MYRIP: variants seen among roughly 807,000 people sequenced by gnomAD.
MYRIP encodes myosin VIIA and Rab interacting protein.
Under a neutral mutation model 98.0 loss-of-function variants are expected in MYRIP, and 49 were observed. The observed-to-expected ratio is 0.50, with a 90% CI of 0.40 to 0.63. MYRIP has a LOEUF of 0.63. Among genes scored for constraint, MYRIP ranks in the 30% least tolerant of loss-of-function variants. The pLI, the probability that MYRIP is intolerant of heterozygous loss-of-function variation, is 0.00. For synonymous variants in MYRIP, 404 were observed against 409.5 expected, an observed-to-expected ratio of 0.99 and a Z score of 0.16; for missense variants, 1,004 against 1,058.2, an observed-to-expected ratio of 0.95 and a Z score of 0.71.
intron 2 of MYRIP, among the ~76,000 whole-genome samples, chr3:39,919,723 T>TGAGAGAGAGAGA (rs1461895990): frequency 6.8e-6 from 1 of 146,710 alleles, no homozygotes; most frequent in African/African-American, 2.6e-5. Flanking sequence ...TGTGTGTGTG[T>TGAGAGAGAGAGA]GTGTGAGAGA....
intron 2 of MYRIP, among the ~76,000 whole-genome samples, chr3:39,981,403 A>G (rs757071691): frequency 1.3e-5 from 2 of 152,128 alleles, no homozygotes; most frequent in African/African-American, 2.4e-5. Context: ...TTAAAATACT[A>G]GTACTTCTTT....
chr3:39,978,967 C>T (rs943182686), intron 2 of MYRIP, among the ~76,000 whole-genome samples: 6 of 151,852 alleles, frequency 4.0e-5, no homozygotes, highest in Non-Finnish European at 5.9e-5. Flanking sequence ...AATGATATAA[C>T]GTAAGAGGAA....
At chr3:39,947,545 A>G (rs1358523721) in intron 2 of MYRIP, among the ~76,000 whole-genome samples, 4 of 152,162 alleles carry the variant, frequency 2.6e-5, no homozygotes, top group Non-Finnish European at 5.9e-5. Flanking sequence ...AGCTAGTCTA[A>G]ATTCTTGGTA....
At chr3:39,967,857 T>C (rs1467063531) in intron 2 of MYRIP, among the ~76,000 whole-genome samples, 4 of 152,230 alleles carry the variant, frequency 2.6e-5, no homozygotes, top group African/African-American at 4.8e-5. Context: ...TTTTATCATA[T>C]GCTTGTTGGC....
intron 3 of MYRIP, among the ~76,000 whole-genome samples, chr3:40,086,837 T>G (rs1273646832): frequency 6.6e-6 from 1 of 151,924 alleles, no homozygotes; most frequent in Non-Finnish European, 1.5e-5. Flanking sequence ...AGAAGAGGTT[T>G]TGACAGCCAT....
At chr3:40,075,806 AT>A (rs1456938444) in intron 3 of MYRIP, among the ~76,000 whole-genome samples, 2 of 152,100 alleles carry the variant, frequency 1.3e-5, no homozygotes, top group African/African-American at 4.8e-5. Context: ...AAATACTTAA[AT>A]GTGGAGGGGA....
At chr3:39,996,750 A>G (rs1312098092) in intron 2 of MYRIP, among the ~76,000 whole-genome samples, 1 of 152,118 alleles carries the variant, frequency 6.6e-6, no homozygotes, top group Non-Finnish European at 1.5e-5. Context: ...GCACCACACC[A>G]CACCTATTCC....
intron 1 of MYRIP, among the ~76,000 whole-genome samples, chr3:39,854,231 CA>C (rs1223635874): frequency 6.6e-6 from 1 of 152,100 alleles, no homozygotes; most frequent in Non-Finnish European, 1.5e-5. Flanking sequence ...GTTGTTCCCT[CA>C]AAAAGTTTTC....
chr3:39,955,974 C>G (rs1054260611), intron 2 of MYRIP, among the ~76,000 whole-genome samples: 1 of 152,262 alleles, frequency 6.6e-6, no homozygotes, highest in Non-Finnish European at 1.5e-5. Context: ...ACAAGAAGAG[C>G]TAACTATCCT....
chr3:40,012,225 C>A (rs1028677113), intron 2 of MYRIP, among the ~76,000 whole-genome samples: 9 of 152,088 alleles, frequency 5.9e-5, no homozygotes, highest in Admixed American at 2.0e-4. Flanking sequence ...GGGCAGCTTT[C>A]TTCTGAATCC....
rs9852872 is a variant in MYRIP, at chr3:40,160,368, C to G, written c.470-2362C>G. Among the ~76,000 whole-genome samples the G allele has an allele frequency of 8.6e-3, 1,314 of 152,264 alleles. 22 individuals are homozygous for G. Among genetic ancestry groups the G allele is most frequent in the African/African-American group, 0.03 (1,262 of 41,540 alleles). On this transcript the variant is annotated intron_variant, in intron 4 of 16. Coordinates refer to ENST00000302541, the MANE Select transcript of MYRIP (RefSeq NM_015460.4). Reference sequence around the variant, plus strand: ...CTGCCTGTTCTCAGATCTCCAGCTGCGTGCTGGGAGAACCACTGCTGTCTT... The same window carrying G: ...CTGCCTGTTCTCAGATCTCCAGCTGGGTGCTGGGAGAACCACTGCTGTCTT...
intron 2 of MYRIP, among the ~76,000 whole-genome samples, chr3:39,919,154 G>C (rs184710199): frequency 1.5e-4 from 23 of 152,304 alleles, no homozygotes; most frequent in Admixed American, 1.5e-3. Context: ...AATGTACCTG[G>C]AGTAGGGGCT....
chr3:39,970,921 C>T (rs757578994), intron 2 of MYRIP, among the ~76,000 whole-genome samples: 6 of 152,024 alleles, frequency 3.9e-5, no homozygotes, highest in Non-Finnish European at 7.4e-5. Flanking sequence ...ACAGCAACAA[C>T]AACAAAAAAG....
At chr3:39,914,505 CA>C (rs143297666) in intron 2 of MYRIP, among the ~76,000 whole-genome samples, 2 of 151,836 alleles carry the variant, frequency 1.3e-5, no homozygotes, top group African/African-American at 4.8e-5. Flanking sequence ...ATAATATAGT[CA>C]AAAAAAGCTG....
intron 3 of MYRIP, among the ~76,000 whole-genome samples, chr3:40,138,898 A>G (rs985538988): frequency 5.9e-5 from 9 of 152,198 alleles, no homozygotes; most frequent in Non-Finnish European, 1.0e-4. Flanking sequence ...CTACTGTGGT[A>G]TAGAACACTA....
At chr3:40,054,868 T>A (rs1947853134) in intron 3 of MYRIP, among the ~76,000 whole-genome samples, 1 of 152,188 alleles carries the variant, frequency 6.6e-6, no homozygotes, top group Admixed American at 6.5e-5. Context: ...TTACTGGAGA[T>A]TTTAGCAACT....
chr3:39,819,859 CTG>C (rs1941051538), intron 1 of MYRIP, among the ~76,000 whole-genome samples: 1 of 152,158 alleles, frequency 6.6e-6, no homozygotes, highest in East Asian at 1.9e-4. Flanking sequence ...TTTCAGAAAA[CTG>C]TTTTTGGTTT....
At chr3:39,875,913 G>A (rs1413079476) in intron 1 of MYRIP, among the ~76,000 whole-genome samples, 1 of 151,854 alleles carries the variant, frequency 6.6e-6, no homozygotes, top group Admixed American at 6.6e-5. Flanking sequence ...TTTCTGTCTT[G>A]TTGATCTGTC....
At chr3:40,257,922 C>T (rs1953650037) in intron 16 of MYRIP, among the ~76,000 whole-genome samples, 1 of 152,206 alleles carries the variant, frequency 6.6e-6, no homozygotes, top group African/African-American at 2.4e-5. Context: ...CACATTTGAT[C>T]ATTACCTTAT....
Sources: gnomAD v4.1 joint callset for allele counts (sites outside exome capture counted in the v4.1 genomes callset) on GRCh38, gnomAD v4.1.1 for gene constraint, MANE v1.5 for transcripts, NCBI Gene and HGNC (gene_info 2026-07-23, HGNC 2026-07-21) for gene names.